FAF1: variants seen among roughly 807,000 people sequenced by gnomAD.
The protein encoded by FAF1 is FAS-associated factor 1.
FAF1 carries 25 observed loss-of-function variants against 92.5 expected under a neutral mutation model. That is an observed-to-expected ratio of 0.27 (90% CI 0.20 to 0.38). FAF1 has a LOEUF of 0.38. Ranked by LOEUF, FAF1 falls within the 10% of genes least tolerant of loss-of-function variation. The probability of loss-of-function intolerance (pLI) is 1.00; values close to 1 mark genes in which losing one functional copy is unlikely to be tolerated. For missense variants in FAF1, 636 were observed against 793.3 expected, an observed-to-expected ratio of 0.80 and a Z score of 2.38; for synonymous variants, 234 against 273.2, an observed-to-expected ratio of 0.86 and a Z score of 1.42.
chr1:50,884,711 T>G (rs983899202), intron 1 of FAF1, among the ~76,000 whole-genome samples: 2 of 152,172 alleles, frequency 1.3e-5, no homozygotes, highest in Non-Finnish European at 2.9e-5. Flanking sequence ...GATACTGAAC[T>G]GTAGTTTTTT....
At chr1:50,598,908 T>G (rs963410217) in intron 8 of FAF1, among the ~76,000 whole-genome samples, 2 of 151,702 alleles carry the variant, frequency 1.3e-5, no homozygotes, top group Non-Finnish European at 2.9e-5. Flanking sequence ...AAGTGGAGGT[T>G]GCAGTAAGCT....
chr1:50,912,738 G>A (rs1175134329), intron 1 of FAF1, among the ~76,000 whole-genome samples: 2 of 152,148 alleles, frequency 1.3e-5, no homozygotes, highest in Non-Finnish European at 2.9e-5. Flanking sequence ...GTGCCACAGT[G>A]TAGGTGCATG....
At chr1:50,620,683 C>T (rs1653154096) in intron 8 of FAF1, among the ~76,000 whole-genome samples, 1 of 152,218 alleles carries the variant, frequency 6.6e-6, no homozygotes, top group African/African-American at 2.4e-5. Flanking sequence ...TGAATTCTTG[C>T]ACTTGGTTTC....
Position 50,844,331 on chromosome 1 carries a change from C to T in FAF1, c.114+13598G>A, listed in dbSNP as rs915915920. On this transcript the variant is annotated intron_variant, in intron 2 of 18. Transcript: ENST00000396153. ...TTCTCCCATTCTACAGGCTGTCAATCACAACTGATTTTTAAGATGCTTTGA... is the reference window on the plus strand; with the variant it reads ...TTCTCCCATTCTACAGGCTGTCAATTACAACTGATTTTTAAGATGCTTTGA... 2.0e-5 allele frequency among the ~76,000 whole-genome samples: 3 copies of T among 152,088 alleles called. No individual in the cohort carries two copies. In the South Asian group the frequency reaches 6.2e-4, roughly 31 times the overall value.
chr1:50,925,790 C>T (rs1413498949), intron 1 of FAF1, among the ~76,000 whole-genome samples: 1 of 152,230 alleles, frequency 6.6e-6, no homozygotes, highest in Non-Finnish European at 1.5e-5. Context: ...GATACCTATA[C>T]ATCCATGTTT....
At chr1:50,923,849 T>C (rs1341683451) in intron 1 of FAF1, among the ~76,000 whole-genome samples, 1 of 152,134 alleles carries the variant, frequency 6.6e-6, no homozygotes, top group Admixed American at 6.5e-5. Flanking sequence ...AAATAGACAT[T>C]GAAACAGCAT....
chr1:50,566,515 A>C (rs1389037848), intron 13 of FAF1, among the ~76,000 whole-genome samples: 2 of 152,098 alleles, frequency 1.3e-5, no homozygotes, highest in African/African-American at 2.4e-5. Flanking sequence ...TGATTAACAA[A>C]CTAAGTAAAC....
intron 1 of FAF1, among the ~76,000 whole-genome samples, chr1:50,910,626 G>A (rs774620415): frequency 7.2e-5 from 11 of 151,854 alleles, no homozygotes; most frequent in Non-Finnish European, 1.2e-4. Context: ...CTTGCAGTTC[G>A]ATCTCAGACT....
intron 18 of FAF1, among the ~76,000 whole-genome samples, chr1:50,467,829 G>A (rs991319254): frequency 9.2e-5 from 14 of 151,918 alleles, no homozygotes; most frequent in African/African-American, 2.7e-4. Flanking sequence ...TATTTTAAAC[G>A]TTCTCACCTT....
At position 50,691,142 on chromosome 1, in the gene FAF1, C is replaced by T. The variant is rs915946986; in HGVS notation, c.657+14644G>A. ...TAACCATGTTTAACATGTTGAGGAA[C>T]TATCAAACTTTTTCCACAGCTACTA... On this transcript the variant is annotated intron_variant, in intron 7 of 18. Transcript: ENST00000396153. Among the ~76,000 whole-genome samples the T allele has an allele frequency of 2.0e-5, 3 of 151,996 alleles. No individual in the cohort carries two copies. In the East Asian group the frequency reaches 5.8e-4, roughly 29 times the overall value.
chr1:50,625,762 C>G (rs1248858811), intron 8 of FAF1, among the ~76,000 whole-genome samples: 1 of 152,102 alleles, frequency 6.6e-6, no homozygotes, highest in Non-Finnish European at 1.5e-5. Context: ...AGATTATGAA[C>G]AGTCAAATAT....
chr1:50,788,172 T>C lies in FAF1; in HGVS notation c.195A>G (p.Ala65=). Reference sequence around the variant, plus strand: ...AAGCTGGATGACTTGCTGGATTAAATGCAGGTCCTGGTATGGTCTCACCTC... The same window carrying C: ...AAGCTGGATGACTTGCTGGATTAAACGCAGGTCCTGGTATGGTCTCACCTC... ...EYGGETIPGP[A]FNPASHPASA... The change falls in exon 4 of 19, where the codon GCA becomes GCG. Residue 65 remains alanine, a synonymous_variant. Coordinates refer to ENST00000396153, the MANE Select transcript of FAF1 (RefSeq NM_007051.3). 1.2e-6 allele frequency: 2 copies of C among 1,614,102 alleles called. No individual in the cohort carries two copies. Among genetic ancestry groups the C allele is most frequent in the Non-Finnish European group, 1.7e-6 (2 of 1,179,966 alleles).
chr1:50,582,736 T>C, intron 11 of FAF1, 37 bp from the exon 12 acceptor site: 1 of 1,317,642 alleles, frequency 7.6e-7, no homozygotes, highest in Non-Finnish European at 1.1e-6. Flanking sequence ...TAAAATACTT[T>C]TCAAATTCAC....
intron 15 of FAF1, among the ~76,000 whole-genome samples, chr1:50,493,746 T>C (rs2149010847): frequency 6.6e-6 from 1 of 152,328 alleles, no homozygotes; most frequent in South Asian, 2.1e-4. Context: ...AGGCATAAAA[T>C]ACTTATTGTT....
intron 2 of FAF1, among the ~76,000 whole-genome samples, chr1:50,806,577 AGCCC>A: frequency 6.6e-6 from 1 of 152,218 alleles, no homozygotes; most frequent in Non-Finnish European, 1.5e-5. Flanking sequence ...ATGAACGCAG[AGCCC>A]ACTAACCCGC....
At position 50,521,025 on chromosome 1, in the gene FAF1, T is replaced by C. The variant is rs1464028612; in HGVS notation, c.1494+14344A>G. Among the ~76,000 whole-genome samples, 5 of 152,162 alleles carry C rather than the reference T, an allele frequency of 3.3e-5. No homozygotes were observed. In the East Asian group the frequency reaches 9.6e-4, roughly 29 times the overall value. On this transcript the variant is annotated intron_variant, in intron 15 of 18. Transcript: ENST00000396153. ...AAGAACAGGACTGGCACTCATACTGTTTTTTATATATTAATTCATTATTTT... is the reference window on the plus strand; with the variant it reads ...AAGAACAGGACTGGCACTCATACTGCTTTTTATATATTAATTCATTATTTT...
chr1:50,555,964 G>C (rs903578931), intron 13 of FAF1, among the ~76,000 whole-genome samples: 1 of 151,688 alleles, frequency 6.6e-6, no homozygotes, highest in Admixed American at 6.6e-5. Flanking sequence ...TATATGGTAT[G>C]TGTATATATT....
chr1:50,762,353 T>C (rs1211615653), intron 4 of FAF1, among the ~76,000 whole-genome samples: 1 of 152,104 alleles, frequency 6.6e-6, no homozygotes, highest in Non-Finnish European at 1.5e-5. Context: ...AAAGTTCATA[T>C]GGAACCAAAA....
At chr1:50,542,431 GC>G (rs1648801277) in intron 13 of FAF1, among the ~76,000 whole-genome samples, 1 of 152,094 alleles carries the variant, frequency 6.6e-6, no homozygotes, top group Admixed American at 6.6e-5. Flanking sequence ...ACTACCAGCA[GC>G]AAAAAATTCA....
Sources: gnomAD v4.1 joint callset for allele counts (sites outside exome capture counted in the v4.1 genomes callset) on GRCh38, gnomAD v4.1.1 for gene constraint, MANE v1.5 for transcripts, NCBI Gene and HGNC (gene_info 2026-07-23, HGNC 2026-07-21) for gene names.